TACC2: variants seen among roughly 807,000 people sequenced by gnomAD.
TACC2 encodes the protein transforming acidic coiled-coil containing protein 2, also known as transforming acidic coiled-coil-containing protein 2.
TACC2 carries 137 observed loss-of-function variants against 227.3 expected under a neutral mutation model. The ratio of observed to expected loss-of-function variants is 0.60; its 90% CI spans 0.52 to 0.69. The LOEUF is 0.69. Among genes scored for constraint, TACC2 ranks in the 30% least tolerant of loss-of-function variants. TACC2 has a pLI of 0.00. For missense variants in TACC2, 3,470 were observed against 3,694.4 expected (o/e 0.94, Z 1.57); for synonymous variants, 1,523 against 1,487.5 (o/e 1.02, Z -0.55).
chr10:122,016,557 ACT>A (rs1344750490), intron 1 of TACC2, among the ~76,000 whole-genome samples: 1 of 126,688 alleles, frequency 7.9e-6, no homozygotes, highest in Non-Finnish European at 1.6e-5. Flanking sequence ...ACAGAATGAG[ACT>A]CTGTCTTAAA....
In TACC2 at chr10:122,132,505, C is replaced by A. The variant is rs137864512; in HGVS notation, c.5574-104C>A. 147 of 1,374,528 alleles carry A rather than the reference C, an allele frequency of 1.1e-4. 1 individual carries two copies. The South Asian group carries it at 1.8e-3, about 16-fold the overall frequency. 85.1% of individuals were successfully genotyped at this position (1,374,528 alleles called of 1,614,324 possible). ...CAGAGTTTGCAGTGAGCGGAGATCG[C>A]GCCATTGCCCTCCAGCCTGGATAAG... On this transcript the variant is annotated intron_variant, in intron 5 of 22. Transcript: ENST00000369005.
chr10:122,067,112 A>G (rs1372418656), intron 3 of TACC2, among the ~76,000 whole-genome samples: 1 of 152,220 alleles, frequency 6.6e-6, no homozygotes, highest in African/African-American at 2.4e-5. Flanking sequence ...ATTTACTTGC[A>G]TAGTTACCAT....
intron 1 of TACC2, among the ~76,000 whole-genome samples, chr10:122,021,222 C>T (rs1358126113): frequency 1.4e-5 from 2 of 143,474 alleles, no homozygotes; most frequent in African/African-American, 5.4e-5. Context: ...GAGTGAGACT[C>T]CATCTCGAAA....
chr10:122,081,246 G>A (rs538214322), intron 3 of TACC2, among the ~76,000 whole-genome samples: 7 of 151,982 alleles, frequency 4.6e-5, no homozygotes, highest in East Asian at 1.9e-4. Context: ...TTGACTAGGC[G>A]TGGTGGCTCA....
intron 9 of TACC2, chr10:122,213,193 T>A: frequency 1.3e-6 from 1 of 754,548 alleles, no homozygotes; most frequent in South Asian, 1.7e-5. Flanking sequence ...AGGAAGCTGT[T>A]CCCCAGCAGC....
intron 7 of TACC2, among the ~76,000 whole-genome samples, chr10:122,145,627 A>G (rs2091274843): frequency 6.6e-6 from 1 of 152,200 alleles, no homozygotes; most frequent in East Asian, 1.9e-4. Flanking sequence ...ATTTTTTGGT[A>G]TGTAAGTTAT....
chr10:122,057,896 G>C (rs1053522317), intron 3 of TACC2, among the ~76,000 whole-genome samples: 1 of 152,144 alleles, frequency 6.6e-6, no homozygotes, highest in Non-Finnish European at 1.5e-5. Context: ...TCCCGTACCT[G>C]CTCCCTCGCT....
chr10:122,063,582 A>G (rs1298412375), intron 3 of TACC2, among the ~76,000 whole-genome samples: 1 of 152,160 alleles, frequency 6.6e-6, no homozygotes, highest in Non-Finnish European at 1.5e-5. Context: ...TTAGGAGATA[A>G]TACCCATTTA....
intron 5 of TACC2, among the ~76,000 whole-genome samples, chr10:122,093,085 CTT>C (rs1417565128): frequency 2.3e-5 from 3 of 132,136 alleles, no homozygotes; most frequent in African/African-American, 5.5e-5. Context: ...GTCGTTCTCT[CTT>C]TGTCTCTCTC....
At chr10:122,055,642 G>T (rs1249327285) in intron 3 of TACC2, among the ~76,000 whole-genome samples, 1 of 152,158 alleles carries the variant, frequency 6.6e-6, no homozygotes, top group Non-Finnish European at 1.5e-5. Context: ...GAAATAATCT[G>T]TACAACACAC....
intron 7 of TACC2, among the ~76,000 whole-genome samples, chr10:122,154,237 C>G (rs571567489): frequency 6.6e-6 from 1 of 152,346 alleles, no homozygotes; most frequent in African/African-American, 2.4e-5. Context: ...CAGGCTCCCT[C>G]TTGGAGCCAA....
At chr10:122,017,682 T>C (rs1225354508) in intron 1 of TACC2, among the ~76,000 whole-genome samples, 1 of 151,676 alleles carries the variant, frequency 6.6e-6, no homozygotes. Context: ...TCTGGCGTGG[T>C]GGTGGGTGCC....
At chr10:122,239,930 G>T (rs1192738530) in intron 18 of TACC2, among the ~76,000 whole-genome samples, 1 of 152,198 alleles carries the variant, frequency 6.6e-6, no homozygotes, top group African/African-American at 2.4e-5. Flanking sequence ...CTTGAAAATG[G>T]GGGTAAATAA....
At chr10:121,999,153 C>T (rs958957493) in intron 1 of TACC2, among the ~76,000 whole-genome samples, 1 of 151,934 alleles carries the variant, frequency 6.6e-6, no homozygotes, top group Non-Finnish European at 1.5e-5. Context: ...GGACTACAGG[C>T]GTGCACCACC....
chr10:122,139,332 G>A (rs1592495406), intron 6 of TACC2, among the ~76,000 whole-genome samples: 1 of 152,194 alleles, frequency 6.6e-6, no homozygotes, highest in Non-Finnish European at 1.5e-5. Flanking sequence ...GGCTGCTCAC[G>A]CTCTCACGTG....
intron 8 of TACC2, among the ~76,000 whole-genome samples, chr10:122,197,502 T>C (rs2094612846): frequency 3.3e-5 from 5 of 152,198 alleles, no homozygotes; most frequent in African/African-American, 4.8e-5. Context: ...ACAATCTCCA[T>C]TCTTAAAACG....
chr10:122,002,900 A>G (rs1954583557), intron 1 of TACC2, among the ~76,000 whole-genome samples: 1 of 151,912 alleles, frequency 6.6e-6, no homozygotes, highest in Non-Finnish European at 1.5e-5. Context: ...AGTTTATTCC[A>G]TTTTTAAGAA....
Position 122,085,696 on chromosome 10 carries a change from G to A in TACC2, c.3196G>A (p.Ala1066Thr), listed in dbSNP as rs11200387. Reference sequence around the variant, plus strand: ...TCCCTGCCTGCCAGCCCTGGCGCCCGCCAGCCCCGGAGTCACACCCACCCA... The same window carrying A: ...TCCCTGCCTGCCAGCCCTGGCGCCCACCAGCCCCGGAGTCACACCCACCCA... ...AVPCLPALAP[A>T]SPGVTPTQDA... The change falls in exon 4 of 23, where the codon GCC (alanine) becomes ACC (threonine). Residue 1066 changes from alanine (A) to threonine (T), a missense_variant. Around this residue, in one of 10 missense-constraint regions of TACC2, gnomAD observed 1,924 missense variants for 1,978.3 expected, o/e 0.97. Transcript: ENST00000369005. The A allele has an allele frequency of 0.16, 260,986 of 1,613,506 alleles. 22,135 individuals carry two copies. The highest frequency in any genetic ancestry group is 0.22 in the African/African-American group (16,626 of 74,946).
intron 2 of TACC2, among the ~76,000 whole-genome samples, chr10:122,041,767 A>G (rs1309811133): frequency 6.6e-6 from 1 of 152,040 alleles, no homozygotes; most frequent in Non-Finnish European, 1.5e-5. Context: ...GAGTTTCTTT[A>G]CTGTCACCTG....
Sources: allele counts gnomAD v4.1 joint callset (sites outside exome capture counted in the v4.1 genomes callset), GRCh38; gene constraint gnomAD v4.1.1; regional missense constraint gnomAD v4.1.1; transcripts MANE v1.5; gene names NCBI Gene and HGNC (gene_info 2026-07-23, HGNC 2026-07-21).